Variants in GRM8 observed in about 807,000 individuals in gnomAD.
GRM8 encodes the protein glutamate metabotropic receptor 8.
In GRM8, 47 loss-of-function variants were observed where a neutral mutation model predicts 87.2. The observed-to-expected ratio is 0.54, with a 90% CI of 0.43 to 0.69. GRM8 has a LOEUF of 0.69. GRM8 is among the 30% of genes least tolerant of loss of function. The pLI is 0.00. For missense variants in GRM8, 1,019 were observed against 1,139.2 expected (o/e 0.89, Z 1.52); for synonymous variants, 396 against 404.5 (o/e 0.98, Z 0.25).
chr7:126,617,537 C>A (rs1395805395), intron 7 of GRM8, among the ~76,000 whole-genome samples: 2 of 152,062 alleles, frequency 1.3e-5, no homozygotes, highest in African/African-American at 4.8e-5. Context: ...GGCAATCAGG[C>A]AGGAGAAAGA....
chr7:126,798,110 C>T (rs1364293327), intron 6 of GRM8, among the ~76,000 whole-genome samples: 1 of 151,856 alleles, frequency 6.6e-6, no homozygotes, highest in Non-Finnish European at 1.5e-5. Context: ...TACACGTTGC[C>T]AAGTCCAGTG....
At chr7:126,778,432 AG>A (rs1470108198) in intron 6 of GRM8, among the ~76,000 whole-genome samples, 3 of 152,202 alleles carry the variant, frequency 2.0e-5, no homozygotes, top group Non-Finnish European at 4.4e-5. Flanking sequence ...GAAAAACCTA[AG>A]GTAAGTGGCA....
chr7:126,788,415 A>AAAAAAAAAAAAAAAAAACAAAAAAC, intron 6 of GRM8, among the ~76,000 whole-genome samples: 1 of 148,968 alleles, frequency 6.7e-6, no homozygotes, highest in African/African-American at 2.5e-5. Context: ...ATCTCAAAAA[A>AAAAAAAAAAAAAAAAAACAAAAAAC]AAAAAAAACC....
intron 2 of GRM8, among the ~76,000 whole-genome samples, chr7:127,232,211 G>A (rs1405039442): frequency 8.2e-6 from 1 of 121,250 alleles, no homozygotes; most frequent in Non-Finnish European, 2.0e-5. Flanking sequence ...GTGTGTGTGT[G>A]TGAGAGAGAG....
chr7:126,873,428 T>A (rs1799274670), intron 6 of GRM8, among the ~76,000 whole-genome samples: 1 of 152,032 alleles, frequency 6.6e-6, no homozygotes, highest in South Asian at 2.1e-4. Flanking sequence ...GTGTTCCATA[T>A]CTATATTATC....
At chr7:126,765,016 G>A (rs996578690) in intron 7 of GRM8, among the ~76,000 whole-genome samples, 1 of 151,934 alleles carries the variant, frequency 6.6e-6, no homozygotes, top group African/African-American at 2.4e-5. Flanking sequence ...TGACAACCAA[G>A]TTTGTACTAC....
chr7:126,827,959 A>G (rs965096319), intron 6 of GRM8, among the ~76,000 whole-genome samples: 39 of 152,166 alleles, frequency 2.6e-4, no homozygotes, highest in Non-Finnish European at 1.5e-4. Context: ...TTCTGCATCT[A>G]TTGAGATAAT....
chr7:126,467,281 C>T (rs1317085489), intron 9 of GRM8, among the ~76,000 whole-genome samples: 1 of 151,734 alleles, frequency 6.6e-6, no homozygotes, highest in South Asian at 2.1e-4. Context: ...TATTTCGTTG[C>T]TGAGTCTTCA....
At chr7:127,204,443 C>A (rs1443932002) in intron 2 of GRM8, among the ~76,000 whole-genome samples, 1 of 152,116 alleles carries the variant, frequency 6.6e-6, no homozygotes, top group African/African-American at 2.4e-5. Flanking sequence ...ACTTCCTAAC[C>A]CTCCAATGTT....
At chr7:126,532,408 GTGAT>G (rs541610899) in intron 9 of GRM8, among the ~76,000 whole-genome samples, 10 of 152,108 alleles carry the variant, frequency 6.6e-5, no homozygotes, top group Admixed American at 1.3e-4. Flanking sequence ...ATACGTGTGT[GTGAT>G]TATTTCACTA....
At chr7:127,069,778 C>T (rs2132665338) in intron 3 of GRM8, among the ~76,000 whole-genome samples, 1 of 152,280 alleles carries the variant, frequency 6.6e-6, no homozygotes, top group Admixed American at 6.5e-5. Context: ...TTTGTTTATT[C>T]CACTGGTTAA....
At chr7:126,973,586 C>A (rs1203498764) in intron 3 of GRM8, among the ~76,000 whole-genome samples, 1 of 152,134 alleles carries the variant, frequency 6.6e-6, no homozygotes. Flanking sequence ...AGATCTAGGT[C>A]AACATATTTA....
At chr7:126,465,936 A>G (rs1186876490) in intron 9 of GRM8, among the ~76,000 whole-genome samples, 1 of 151,988 alleles carries the variant, frequency 6.6e-6, no homozygotes, top group African/African-American at 2.4e-5. Context: ...TGTTAAGTGT[A>G]TCTGCTGCAT....
At chr7:126,939,824 G>A (rs1806718612) in intron 3 of GRM8, among the ~76,000 whole-genome samples, 1 of 152,184 alleles carries the variant, frequency 6.6e-6, no homozygotes, top group South Asian at 2.1e-4. Flanking sequence ...TAGCTTGCAT[G>A]AGATTGCATC....
intron 7 of GRM8, among the ~76,000 whole-genome samples, chr7:126,664,234 T>C (rs1323465400): frequency 6.6e-6 from 1 of 152,148 alleles, no homozygotes; most frequent in Admixed American, 6.5e-5. Flanking sequence ...ACAGATTCAA[T>C]GCTATTCCTA....
At chr7:126,926,063 A>G (rs1207445121) in intron 3 of GRM8, among the ~76,000 whole-genome samples, 2 of 152,152 alleles carry the variant, frequency 1.3e-5, no homozygotes, top group South Asian at 2.1e-4. Flanking sequence ...ATGATTATAT[A>G]GCAGACTTGC....
intron 8 of GRM8, among the ~76,000 whole-genome samples, chr7:126,569,438 T>A (rs75307051): frequency 0.012 from 1,899 of 152,252 alleles, 29 homozygotes; most frequent in Non-Finnish European, 0.016. Flanking sequence ...GAAACAAAAA[T>A]GCTGAAAGTG....
At chr7:126,894,026 T>C (rs757817370) in intron 6 of GRM8, among the ~76,000 whole-genome samples, 1 of 152,070 alleles carries the variant, frequency 6.6e-6, no homozygotes, top group African/African-American at 2.4e-5. Context: ...AGATAAAACA[T>C]AGAGAAGAAA....
chr7:126,716,913 G>A (rs2299495), intron 7 of GRM8, among the ~76,000 whole-genome samples: 2 of 151,916 alleles, frequency 1.3e-5, no homozygotes, highest in African/African-American at 4.8e-5. Flanking sequence ...CAGTAGGGAG[G>A]AATAATAAAC....
Sources: allele counts gnomAD v4.1 joint callset (sites outside exome capture counted in the v4.1 genomes callset), GRCh38; gene constraint gnomAD v4.1.1; transcripts MANE v1.5; gene names NCBI Gene and HGNC (gene_info 2026-07-23, HGNC 2026-07-21).